Variants in ELN observed in about 807,000 individuals in gnomAD.
ELN encodes the protein tropoelastin.
Under a neutral mutation model 105.8 loss-of-function variants are expected in ELN, and 65 were observed. The ratio of observed to expected loss-of-function variants is 0.61; its 90% CI spans 0.50 to 0.75. The LOEUF (loss-of-function observed/expected upper bound fraction) is 0.75. Among genes scored for constraint, ELN ranks in the 30% least tolerant of loss-of-function variants. The pLI is 0.00. For missense variants in ELN, 882 were observed against 969.4 expected (o/e 0.91, Z 1.20); for synonymous variants, 368 against 389.2 (o/e 0.95, Z 0.64).
chr7:74,043,280 G>C, intron 8 of ELN, 112 bp downstream of exon 8: 1 of 1,473,706 alleles, frequency 6.8e-7, no homozygotes, highest in South Asian at 1.2e-5. Context: ...GCAGGGCCTG[G>C]CTTCAGTCGG....
At chr7:74,037,797 C>G in intron 4 of ELN, 58 bp downstream of exon 4, 2 of 1,593,054 alleles carry the variant, frequency 1.3e-6, no homozygotes, top group Non-Finnish European at 1.7e-6. Context: ...GAGGGAGGAG[C>G]CTACCCAGCT....
Position 74,057,415 on chromosome 7 carries a change from T to C in ELN, c.1358-225T>C, listed in dbSNP as rs375867140. The C allele has an allele frequency of 7.1e-5, 108 of 1,514,806 alleles. No homozygotes were observed. The African/African-American group carries it at 1.4e-3, about 20-fold the overall frequency. The allele number at this position is 1,514,806 out of a possible 1,614,324, so 93.8% of individuals were successfully genotyped here. A position where few individuals can be genotyped will look rare whatever the true frequency, so the allele number is the denominator to read the frequency against. ...GGAGCAGGAGTGCTGGGTGGGCTAG[T>C]GCCAGGTGCCCCAGGCGCAGTCCCA... On this transcript the variant is annotated intron_variant, in intron 21 of 32. Transcript: ENST00000252034.
At chr7:74,056,761 G>T in intron 21 of ELN, 48 bp downstream of exon 21, 2 of 1,612,384 alleles carry the variant, frequency 1.2e-6, no homozygotes, top group East Asian at 2.2e-5. Flanking sequence ...CTCCCGCGGG[G>T]CTCAGGGTCC....
intron 21 of ELN, 137 bp from the exon 22 acceptor site, chr7:74,057,503 T>C (rs1795536886): frequency 1.3e-6 from 2 of 1,591,246 alleles, no homozygotes; most frequent in Non-Finnish European, 1.7e-6. Context: ...ATGGGTTTGG[T>C]TTGTCTCATG....
chr7:74,048,323 C>T (rs2131665960), intron 14 of ELN, 122 bp downstream of exon 14: 1 of 1,531,914 alleles, frequency 6.5e-7, no homozygotes, highest in Non-Finnish European at 9.0e-7. Flanking sequence ...GACCCTGGTC[C>T]AAACCTGGAG....
In ELN at chr7:74,043,638, G is replaced by T. The variant is rs1791772172; in HGVS notation, c.428-241G>T. ...GAAGCTGTTAGCCAGAGGTGGGCTG[G>T]CCCAGCCATGTAAACAGGCTCCAGG... On this transcript the variant is annotated intron_variant, in intron 8 of 32. Transcript: ENST00000252034. 3.7e-5 allele frequency: 24 copies of T among 643,882 alleles called. 1 individual carries two copies. The South Asian group carries it at 4.3e-4, about 11-fold the overall frequency. 39.9% of individuals were successfully genotyped at this position (643,882 alleles called of 1,614,324 possible). A position where few individuals can be genotyped will look rare whatever the true frequency, so the allele number is the denominator to read the frequency against.
chr7:74,036,678 G>A (rs1457964306), intron 3 of ELN, 94 bp downstream of exon 3: 29 of 1,544,484 alleles, frequency 1.9e-5, no homozygotes, highest in South Asian at 4.5e-5. Context: ...TGGGAGACCC[G>A]AGCATCAAGG....
At chr7:74,047,414 G>A (rs1416152499) in intron 12 of ELN, among the ~76,000 whole-genome samples, 2 of 152,226 alleles carry the variant, frequency 1.3e-5, no homozygotes, top group African/African-American at 4.8e-5. Context: ...CCACTGAGGA[G>A]GGGGTGTAAG....
At chr7:74,036,162 A>G (rs1789892471) in intron 2 of ELN, among the ~76,000 whole-genome samples, 1 of 151,514 alleles carries the variant, frequency 6.6e-6, no homozygotes, top group South Asian at 2.1e-4. Context: ...TGGTGGCGAG[A>G]GCCTCTAGTC....
At chr7:74,044,012 G>A in intron 9 of ELN, 92 bp downstream of exon 9, 1 of 1,521,350 alleles carries the variant, frequency 6.6e-7, no homozygotes, top group Non-Finnish European at 9.0e-7. Flanking sequence ...TTGGGAGACT[G>A]AGGCAGGAGG....
In ELN at chr7:74,053,186, G is replaced by C; in HGVS notation, c.973G>C (p.Gly325Arg). 1 of 1,614,206 alleles carries C rather than the reference G, an allele frequency of 6.2e-7. No individual in the cohort carries two copies. Among genetic ancestry groups the C allele is most frequent in the Non-Finnish European group, 8.5e-7 (1 of 1,180,026 alleles). ...KYGAAAGLVPGGPGFGPGVVG... is the reference protein window; with the variant it reads ...KYGAAAGLVPRGPGFGPGVVG... ...AGGAGCTGCTGCAGGCTTAGTGCCT[G>C]GTGGGCCAGGCTTTGGCCCGGGAGT... The change falls in exon 18 of 33, where the codon GGT becomes CGT. Residue 325 changes from glycine to arginine, a missense_variant. Transcript: ENST00000252034.
At chr7:74,028,377 G>A in intron 1 of ELN, 108 bp downstream of exon 1, 1 of 1,310,756 alleles carries the variant, frequency 7.6e-7, no homozygotes, top group Non-Finnish European at 1.1e-6. Context: ...AACTGCAAGG[G>A]GTCCCAGGTG....
intron 9 of ELN, 117 bp from the exon 10 acceptor site, chr7:74,045,105 C>T: frequency 8.7e-7 from 1 of 1,143,782 alleles, no homozygotes. Context: ...GTGAGCCGTG[C>T]CTGTCACTGA....
In ELN at chr7:74,056,273, G is replaced by T. The variant is rs201037842; in HGVS notation, c.1153G>T (p.Ala385Ser). ...ACTTGGCTCCCTTCCCTCTGCAGGG[G>T]CCAGGCCCGGAGTCGGAGTTGGAGG... is the stretch of plus-strand genomic sequence containing the variant. Reference protein sequence around the residue: ...KAAAKAAKYGARPGVGVGGIP... With the variant: ...KAAAKAAKYGSRPGVGVGGIP... Residue 385 changes from alanine to serine, a missense_variant and splice_region_variant, in exon 20 of 33, where the codon GCC (alanine) becomes TCC (serine). Ala to Ser is a moderately conservative substitution (Grantham distance 99). Transcript: ENST00000252034. The T allele has an allele frequency of 3.7e-6, 6 of 1,614,206 alleles. No homozygotes were observed. In the African/African-American group the frequency reaches 4.0e-5, roughly 11 times the overall value.
At chr7:74,055,182 G>C (rs992960879) in intron 19 of ELN, among the ~76,000 whole-genome samples, 2 of 152,368 alleles carry the variant, frequency 1.3e-5, no homozygotes, top group African/African-American at 4.8e-5. Flanking sequence ...GCTTACACCT[G>C]TAATCCCAGC....
intron 5 of ELN, among the ~76,000 whole-genome samples, chr7:74,042,350 C>G (rs1175420541): frequency 6.6e-6 from 1 of 151,934 alleles, no homozygotes; most frequent in African/African-American, 2.4e-5. Flanking sequence ...ATTGCTTGAG[C>G]CTGGGTGGTT....
chr7:74,048,690 T>A, intron 15 of ELN, 134 bp downstream of exon 15: 1 of 947,976 alleles, frequency 1.1e-6, no homozygotes, highest in Non-Finnish European at 1.6e-6. Flanking sequence ...ATCACCCATC[T>A]ATCTATCCCT....
intron 17 of ELN, chr7:74,052,268 G>A (rs1292596111): frequency 6.0e-6 from 3 of 500,266 alleles, no homozygotes; most frequent in Non-Finnish European, 7.3e-6. Context: ...CAACTAAATG[G>A]GTGCCCAGTG....
At chr7:74,058,441 A>G (rs551427088) in intron 22 of ELN, among the ~76,000 whole-genome samples, 3 of 151,444 alleles carry the variant, frequency 2.0e-5, no homozygotes, top group Non-Finnish European at 4.4e-5. Flanking sequence ...TACAGCCTCA[A>G]CCTCCCAGTC....
Sources: gnomAD v4.1 joint callset for allele counts (sites outside exome capture counted in the v4.1 genomes callset) on GRCh38, gnomAD v4.1.1 for gene constraint, MANE v1.5 for transcripts, NCBI Gene and HGNC (gene_info 2026-07-23, HGNC 2026-07-21) for gene names.